HOXA11: variants seen among roughly 807,000 people sequenced by gnomAD.
HOXA11 encodes homeobox protein Hox-A11.
Under a neutral mutation model 22.5 loss-of-function variants are expected in HOXA11, and 8 were observed. That is an observed-to-expected ratio of 0.36 (90% CI 0.21 to 0.64). The LOEUF (loss-of-function observed/expected upper bound fraction) is 0.64, where lower values mean the gene tolerates loss of function less well. Ranked by LOEUF, HOXA11 falls within the 30% of genes least tolerant of loss-of-function variation. The pLI, the probability that HOXA11 is intolerant of heterozygous loss-of-function variation, is 0.67. For missense variants in HOXA11, 388 were observed against 429.0 expected (o/e 0.90, Z 0.84); for synonymous variants, 211 against 188.4 (o/e 1.12, Z -0.98).
In HOXA11 at chr7:27,184,699, C is replaced by CCG. The variant is rs1306997876; in HGVS notation, c.444_445dup (p.Gly149AlafsTer147). ...GGAGGAGGCGAGGTTTTCCGGGGTG[C>CCG]CGTAGGCTGTCTCGAAAAACTGGTC... is the stretch of plus-strand genomic sequence containing the variant. On this transcript the variant is annotated frameshift_variant, in exon 1 of 2. Transcript: ENST00000006015. LOFTEE classifies it high-confidence loss of function. The CCG allele has an allele frequency of 6.2e-7, 1 of 1,613,450 alleles. No homozygotes were observed. Among genetic ancestry groups the CCG allele is most frequent in the Non-Finnish European group, 8.5e-7 (1 of 1,179,934 alleles).
intron 1 of HOXA11, among the ~76,000 whole-genome samples, chr7:27,184,174 C>A (rs1211289966): frequency 6.6e-6 from 1 of 152,038 alleles, no homozygotes; most frequent in Non-Finnish European, 1.5e-5. Flanking sequence ...AGCTGCTGGG[C>A]TTGGGAGCTG....
intron 1 of HOXA11, 84 bp downstream of exon 1, chr7:27,184,352 C>T (rs958069285): frequency 7.5e-7 from 1 of 1,324,900 alleles, no homozygotes. Flanking sequence ...GCTTATAAAA[C>T]AGCATATAAA....
chr7:27,184,511 G>C lies in HOXA11; in HGVS notation c.634C>G (p.Arg212Gly), dbSNP rs1195609478. The C allele has an allele frequency of 1.3e-6, 2 of 1,531,820 alleles. No individual in the cohort carries two copies. The highest frequency in any genetic ancestry group is 2.6e-5 in the East Asian group (1 of 38,708). 94.9% of individuals were successfully genotyped at this position (1,531,820 alleles called of 1,614,324 possible). A position where few individuals can be genotyped will look rare whatever the true frequency, so the allele number is the denominator to read the frequency against. ...ETAAAAEEKE[R>G]RRRPESSSSP... ...CTGCTGCTCTCGGGGCGCCGCCGCC[G>C]CTCTTTCTCCTCTGCTGCCGCCGCC... Residue 212 changes from arginine (R) to glycine (G), a missense_variant, in exon 1 of 2, where the codon CGG becomes GGG. Coordinates refer to ENST00000006015, the MANE Select transcript of HOXA11 (RefSeq NM_005523.6).
chr7:27,182,712 A>C lies in HOXA11; in HGVS notation c.*84T>G. 1 of 876,644 alleles carries C rather than the reference A, an allele frequency of 1.1e-6. No individual in the cohort carries two copies. Among genetic ancestry groups the C allele is most frequent in the East Asian group, 2.4e-5 (1 of 41,646 alleles). 54.3% of individuals were successfully genotyped at this position (876,644 alleles called of 1,614,324 possible). A position where few individuals can be genotyped will look rare whatever the true frequency, so the allele number is the denominator to read the frequency against. ...TGCACACCTCTTTTCAAAAGTCACC[A>C]TGTGGCTTGACTTTGTCAAGGGCAA... On this transcript the variant is annotated 3_prime_UTR_variant, in exon 2 of 2. Transcript: ENST00000006015.
rs780070206 is a variant in HOXA11, at chr7:27,184,841, C to T, written c.304G>A (p.Val102Met). Reference sequence around the variant, plus strand: ...CTCTTGGCCAGCACGTCGCCAGGCACGCCGGCCGCGCTGGGCGCCTGCAGG... The same window carrying T: ...CTCTTGGCCAGCACGTCGCCAGGCATGCCGGCCGCGCTGGGCGCCTGCAGG... The part of the protein sequence containing the change: ...DCLQAPSAAG[V>M]PGDVLAKSSA... The change falls in exon 1 of 2, where the codon GTG becomes ATG. Residue 102 changes from valine to methionine, a missense_variant. Transcript: ENST00000006015. 5.6e-6 allele frequency: 9 copies of T among 1,613,228 alleles called. No individual in the cohort carries two copies. The South Asian group carries it at 9.9e-5, about 18-fold the overall frequency.
At chr7:27,183,368 C>A (rs1783799525) in intron 1 of HOXA11, among the ~76,000 whole-genome samples, 1 of 152,250 alleles carries the variant, frequency 6.6e-6, no homozygotes, top group African/African-American at 2.4e-5. Flanking sequence ...GGCTGCCTCT[C>A]GCAGGCCAGA....
rs1254288023 is a variant in HOXA11 at position 27,182,568 on chromosome 7, A to G, written c.*228T>C. On this transcript the variant is annotated 3_prime_UTR_variant, in exon 2 of 2. Transcript: ENST00000006015. ...AACCACCAGGGGTCCCAAACCTGTC[A>G]TTCTAGCTGATGCACAGCTCTCAGA... 1.7e-6 allele frequency: 1 copy of G among 586,844 alleles called. No homozygotes were observed. Among genetic ancestry groups the G allele is most frequent in the Non-Finnish European group, 3.1e-6 (1 of 325,626 alleles). 36.4% of individuals were successfully genotyped at this position (586,844 alleles called of 1,614,324 possible).
At chr7:27,184,395 C>T in intron 1 of HOXA11, 41 bp downstream of exon 1, 1 of 1,561,486 alleles carries the variant, frequency 6.4e-7, no homozygotes, top group East Asian at 2.4e-5. Flanking sequence ...AGATTTCCAA[C>T]TCCCCTTTCA....
Position 27,182,369 on chromosome 7 carries a change from C to T in HOXA11, c.*427G>A. The T allele has an allele frequency of 5.9e-6, 2 of 337,008 alleles. No individual in the cohort carries two copies. Among genetic ancestry groups the T allele is most frequent in the Non-Finnish European group, 1.1e-5 (2 of 180,050 alleles). The allele number at this position is 337,008 out of a possible 1,614,324, so 20.9% of individuals were successfully genotyped here. On this transcript the variant is annotated 3_prime_UTR_variant, in exon 2 of 2. Coordinates refer to ENST00000006015, the MANE Select transcript of HOXA11 (RefSeq NM_005523.6). ...CCTACCCCTTCCTCCTGCCCCTGTC[C>T]CCAAGCTGAACTGGGCTTGGAGAGC...
At position 27,184,929 on chromosome 7, in the gene HOXA11, T is replaced by C. The variant is rs1012791241; in HGVS notation, c.216A>G (p.Lys72=). Residue 72 remains lysine (K), a synonymous_variant, in exon 1 of 2, where the codon AAA becomes AAG. Transcript: ENST00000006015. ...FREYAIEPAT[K]WHPRGNLAHC... Reference sequence around the variant, plus strand: ...GGGCCAGATTGCCGCGGGGGTGCCATTTAGTGGCGGGCTCAATGGCGTACT... The same window carrying C: ...GGGCCAGATTGCCGCGGGGGTGCCACTTAGTGGCGGGCTCAATGGCGTACT... The C allele has an allele frequency of 2.9e-5, 47 of 1,613,764 alleles. No individual in the cohort carries two copies. The highest frequency in any genetic ancestry group is 3.7e-5 in the Non-Finnish European group (44 of 1,179,892).
Position 27,184,452 on chromosome 7 carries a change from G to A in HOXA11, c.693C>T (p.Asp231=). Residue 231 remains aspartate, a synonymous_variant, in exon 1 of 2, where the codon GAC becomes GAT. Transcript: ENST00000006015. ...TATACGTACTGGAGCCGCCGGCCTT[G>A]TCCTCAGTGTGGCCGGAAGACGACT... ...SPESSSGHTE[D]KAGGSSGQRT... is the part of the protein sequence containing the mutation. 1.3e-6 allele frequency: 2 copies of A among 1,568,844 alleles called. No individual in the cohort carries two copies. Among genetic ancestry groups the A allele is most frequent in the African/African-American group, 1.4e-5 (1 of 73,624 alleles).
chr7:27,182,505 A>T lies in HOXA11; in HGVS notation c.*291T>A, dbSNP rs1583440130. On this transcript the variant is annotated 3_prime_UTR_variant, in exon 2 of 2. Coordinates refer to ENST00000006015, the MANE Select transcript of HOXA11 (RefSeq NM_005523.6). ...GGCAGGGGCCCAATCCCCAGTGGAGACCACACCCAGCCCGCAGCTCTGCAG... is the reference window on the plus strand; with the variant it reads ...GGCAGGGGCCCAATCCCCAGTGGAGTCCACACCCAGCCCGCAGCTCTGCAG... The T allele has an allele frequency of 1.2e-5, 6 of 492,224 alleles. No individual in the cohort carries two copies. The Admixed American group carries it at 1.6e-4, about 13-fold the overall frequency. 30.5% of individuals were successfully genotyped at this position (492,224 alleles called of 1,614,324 possible). A position where few individuals can be genotyped will look rare whatever the true frequency, so the allele number is the denominator to read the frequency against.
Position 27,184,763 on chromosome 7 carries a change from T to C in HOXA11, c.382A>G (p.Ser128Gly), listed in dbSNP as rs371593760. The change falls in exon 1 of 2, where the codon AGC (serine) becomes GGC (glycine). Residue 128 changes from serine to glycine, a missense_variant. Physicochemically the swap from Ser to Gly is moderately conservative, Grantham distance 56. This residue lies in a region of HOXA11 where 295 missense variants were observed against 281.1 expected (regional missense o/e 1.05). Coordinates refer to ENST00000006015, the MANE Select transcript of HOXA11 (RefSeq NM_005523.6). Reference protein sequence around the residue: ...PTPAVSSNFYSTVGRNGVLPQ... With the variant: ...PTPAVSSNFYGTVGRNGVLPQ... Reference sequence around the variant, plus strand: ...AGGACGCCGTTCCTGCCCACGGTGCTATAGAAATTGGACGAGACTGCGGGG... The same window carrying C: ...AGGACGCCGTTCCTGCCCACGGTGCCATAGAAATTGGACGAGACTGCGGGG... The C allele has an allele frequency of 2.5e-6, 4 of 1,613,742 alleles. No homozygotes were observed. In the African/African-American group the frequency reaches 5.3e-5, roughly 22 times the overall value.
intron 1 of HOXA11, 61 bp from the exon 2 acceptor site, chr7:27,183,089 C>A: frequency 8.6e-7 from 1 of 1,160,614 alleles, no homozygotes; most frequent in Non-Finnish European, 1.3e-6. Context: ...CACCCCAGAG[C>A]CCATAGCTGA....
Position 27,185,222 on chromosome 7 carries a change from C to G in HOXA11, c.-78G>C. ...CTGCAGCTGCCTCTTTGAAGCGGATCCGTGAAGTAGAAATTTGGAGACGTA... is the reference window on the plus strand; with the variant it reads ...CTGCAGCTGCCTCTTTGAAGCGGATGCGTGAAGTAGAAATTTGGAGACGTA... On this transcript the variant is annotated 5_prime_UTR_variant, in exon 1 of 2. Coordinates refer to ENST00000006015, the MANE Select transcript of HOXA11 (RefSeq NM_005523.6). The G allele has an allele frequency of 6.2e-7, 1 of 1,600,924 alleles. No homozygotes were observed. Among genetic ancestry groups the G allele is most frequent in the East Asian group, 2.2e-5 (1 of 44,820 alleles).
In HOXA11 at chr7:27,181,729, T is replaced by G. The variant is rs1482819055; in HGVS notation, c.*1067A>C. The stretch of plus-strand genomic sequence containing the variant: ...AAATATATATATATATAATATAATA[T>G]TTATCTTTTAAAATAATTCCACCTC... On this transcript the variant is annotated 3_prime_UTR_variant, in exon 2 of 2. Coordinates refer to ENST00000006015, the MANE Select transcript of HOXA11 (RefSeq NM_005523.6). 5.7e-6 allele frequency: 1 copy of G among 176,984 alleles called. No homozygotes were observed. Among genetic ancestry groups the G allele is most frequent in the Non-Finnish European group, 1.2e-5 (1 of 82,664 alleles). The allele number at this position is 176,984 out of a possible 1,614,324, so 11.0% of individuals were successfully genotyped here.
In HOXA11 at chr7:27,184,467, G is replaced by A. The variant is rs760631053; in HGVS notation, c.678C>T (p.Ser226=). 2 of 1,560,424 alleles carry A rather than the reference G, an allele frequency of 1.3e-6. No homozygotes were observed. The highest frequency in any genetic ancestry group is 2.4e-5 in the East Asian group (1 of 41,590). ...PESSSSPESS[S]GHTEDKAGGS... ...CGCCGGCCTTGTCCTCAGTGTGGCC[G>A]GAAGACGACTCGGGGCTGCTGCTGC... Residue 226 remains serine, a synonymous_variant, in exon 1 of 2, where the codon TCC becomes TCT. Coordinates refer to ENST00000006015, the MANE Select transcript of HOXA11 (RefSeq NM_005523.6).
Position 27,184,641 on chromosome 7 carries a change from C to A in HOXA11, c.504G>T (p.Gly168=). The part of the protein sequence containing the change: ...DYPGDKSAEK[G]PPAATATSAA... ...CGGAGGTCGCCGTGGCCGCCGGGGG[C>A]CCCTTCTCGGCGCTCTTGTCCCCGG... is the stretch of plus-strand genomic sequence containing the variant. Residue 168 remains glycine (G), a synonymous_variant, in exon 1 of 2, where the codon GGG becomes GGT. Transcript: ENST00000006015. The A allele has an allele frequency of 6.3e-7, 1 of 1,587,334 alleles. No individual in the cohort carries two copies.
chr7:27,181,990 A>C lies in HOXA11; in HGVS notation c.*806T>G. The stretch of plus-strand genomic sequence containing the variant: ...CACACTCCACAGCCATTTCCTGCAG[A>C]GATCTCAGGGGCCAGTGGCCTGGCT... On this transcript the variant is annotated 3_prime_UTR_variant, in exon 2 of 2. Coordinates refer to ENST00000006015, the MANE Select transcript of HOXA11 (RefSeq NM_005523.6). 4.3e-6 allele frequency: 1 copy of C among 231,028 alleles called. No homozygotes were observed. Among genetic ancestry groups the C allele is most frequent in the Middle Eastern group, 1.3e-3 (1 of 776 alleles). The allele number at this position is 231,028 out of a possible 1,614,324, so 14.3% of individuals were successfully genotyped here. A position where few individuals can be genotyped will look rare whatever the true frequency, so the allele number is the denominator to read the frequency against.
Sources: gnomAD v4.1 joint callset for allele counts (sites outside exome capture counted in the v4.1 genomes callset) on GRCh38, gnomAD v4.1.1 for gene constraint, gnomAD v4.1.1 regional missense constraint, MANE v1.5 for transcripts, NCBI Gene and HGNC (gene_info 2026-07-23, HGNC 2026-07-21) for gene names.